Variants in DIP2B observed in about 807,000 individuals in gnomAD.
DIP2B encodes the protein disco-interacting protein 2 homolog B.
DIP2B carries 76 observed loss-of-function variants against 198.0 expected under a neutral mutation model. That is an observed-to-expected ratio of 0.38 (90% CI 0.32 to 0.46). DIP2B has a LOEUF of 0.46. Among genes scored for constraint, DIP2B ranks in the 20% least tolerant of loss-of-function variants. DIP2B has a pLI of 0.99. For synonymous variants in DIP2B, 701 were observed against 739.1 expected, an observed-to-expected ratio of 0.95 and a Z score of 0.84; for missense variants, 1,559 against 1,978.4, an observed-to-expected ratio of 0.79 and a Z score of 4.02.
rs1029978293 is a variant in DIP2B at position 50,695,331 on chromosome 12, C to A, written c.1784C>A (p.Ser595Tyr). The change falls in exon 15 of 38, where the codon TCT becomes TAT. Residue 595 changes from serine (S) to tyrosine (Y), a missense_variant. Physicochemically the swap from Ser to Tyr is moderately radical, Grantham distance 144 (BLOSUM62 -2). Transcript: ENST00000301180. ...PYSVMKTCPL[S>Y]WVQRVHAHKA... ...TCTGTTATGAAAACCTGTCCTCTCT[C>A]TTGGGTCCAAAGAGTACATGCTCAC... 6.2e-7 allele frequency: 1 copy of A among 1,614,088 alleles called. No individual in the cohort carries two copies. Among genetic ancestry groups the A allele is most frequent in the Non-Finnish European group, 8.5e-7 (1 of 1,179,966 alleles).
intron 4 of DIP2B, among the ~76,000 whole-genome samples, chr12:50,668,919 ACTT>A (rs2139521615): frequency 1.3e-5 from 2 of 152,216 alleles, no homozygotes; most frequent in African/African-American, 4.8e-5. Flanking sequence ...AGATGTGATT[ACTT>A]CTTTTTTTCT....
chr12:50,613,437 G>T (rs892874863), intron 1 of DIP2B, among the ~76,000 whole-genome samples: 2 of 152,186 alleles, frequency 1.3e-5, no homozygotes, highest in Non-Finnish European at 2.9e-5. Context: ...GTCATCTTCT[G>T]TCCTCACTCC....
chr12:50,516,237 C>G (rs1958063066), intron 1 of DIP2B, among the ~76,000 whole-genome samples: 1 of 149,818 alleles, frequency 6.7e-6, no homozygotes, highest in Non-Finnish European at 1.5e-5. Context: ...CTCTCTCTCT[C>G]TCTCTCTCTA....
At chr12:50,659,738 C>T (rs1215112357) in intron 3 of DIP2B, among the ~76,000 whole-genome samples, 1 of 152,096 alleles carries the variant, frequency 6.6e-6, no homozygotes, top group East Asian at 1.9e-4. Context: ...GGGTCTCAAC[C>T]AAGTTTTCTT....
At chr12:50,649,264 A>C (rs540887384) in intron 3 of DIP2B, among the ~76,000 whole-genome samples, 21 of 152,306 alleles carry the variant, frequency 1.4e-4, no homozygotes, top group Middle Eastern at 3.4e-3. Context: ...TTCATTTGGG[A>C]AAATAAACAT....
At position 50,516,697 on chromosome 12, in the gene DIP2B, G is replaced by A. The variant is rs183749698; in HGVS notation, c.100+11457G>A. On this transcript the variant is annotated intron_variant, in intron 1 of 37. Transcript: ENST00000301180. ...ATTCTAAAAATATTTTGTTTTGGCCGGACACGGTGGCTCATGCTTATAATC... is the reference window on the plus strand; with the variant it reads ...ATTCTAAAAATATTTTGTTTTGGCCAGACACGGTGGCTCATGCTTATAATC... 6.5e-4 allele frequency among the ~76,000 whole-genome samples: 99 copies of A among 152,106 alleles called. 1 individual carries two copies. The highest frequency in any genetic ancestry group is 1.2e-3 in the Non-Finnish European group (80 of 67,976).
At chr12:50,572,603 C>G (rs781446894) in intron 1 of DIP2B, among the ~76,000 whole-genome samples, 17 of 152,172 alleles carry the variant, frequency 1.1e-4, no homozygotes, top group Non-Finnish European at 2.2e-4. Context: ...TTCCAGGTTA[C>G]TACATTGACT....
chr12:50,680,782 GT>G lies in DIP2B; in HGVS notation c.1206+23del. 6.2e-7 allele frequency: 1 copy of G among 1,605,984 alleles called. No homozygotes were observed. Among genetic ancestry groups the G allele is most frequent in the Non-Finnish European group, 8.5e-7 (1 of 1,174,832 alleles). On this transcript the variant is annotated intron_variant, in intron 9 of 37. Transcript: ENST00000301180. ...AGACAGGGTAATTGGTGTGATTTTGGTTTTAGGGAGGTGGTGTTTATTGTTT... is the reference window on the plus strand; with the variant it reads ...AGACAGGGTAATTGGTGTGATTTTGGTTTAGGGAGGTGGTGTTTATTGTTT...
At chr12:50,644,666 G>A (rs1447136163) in intron 3 of DIP2B, among the ~76,000 whole-genome samples, 3 of 152,192 alleles carry the variant, frequency 2.0e-5, no homozygotes, top group East Asian at 1.9e-4. Context: ...TGACACTGGT[G>A]TATGGGTCAA....
chr12:50,629,839 A>G (rs1938008730), intron 2 of DIP2B, among the ~76,000 whole-genome samples: 1 of 152,058 alleles, frequency 6.6e-6, no homozygotes, highest in Non-Finnish European at 1.5e-5. Flanking sequence ...AAGCCCAGCA[A>G]GTTACAGGCT....
chr12:50,712,195 C>CT (rs1939628173), intron 22 of DIP2B, among the ~76,000 whole-genome samples: 1 of 151,964 alleles, frequency 6.6e-6, no homozygotes, highest in Admixed American at 6.6e-5. Flanking sequence ...CAGCCTTGTC[C>CT]TTTTTTTATG....
At chr12:50,719,149 T>G in intron 25 of DIP2B, 114 bp downstream of exon 25, 1 of 1,115,276 alleles carries the variant, frequency 9.0e-7, no homozygotes. Context: ...GAAGAAGGAG[T>G]TAATGGCTTT....
At chr12:50,552,712 T>A (rs1376509393) in intron 1 of DIP2B, among the ~76,000 whole-genome samples, 1 of 152,178 alleles carries the variant, frequency 6.6e-6, no homozygotes, top group Non-Finnish European at 1.5e-5. Flanking sequence ...TTTGGCGTCA[T>A]ATCCAAGAAA....
chr12:50,697,692 G>A (rs953058806), intron 17 of DIP2B, among the ~76,000 whole-genome samples: 4 of 151,640 alleles, frequency 2.6e-5, no homozygotes, highest in African/African-American at 9.7e-5. Flanking sequence ...ACCACGCCTG[G>A]CTAATTTTTA....
At chr12:50,656,555 G>T (rs577019443) in intron 3 of DIP2B, among the ~76,000 whole-genome samples, 59 of 152,264 alleles carry the variant, frequency 3.9e-4, no homozygotes, top group African/African-American at 1.4e-3. Context: ...AACTAAGGGA[G>T]AAAGGAAAGC....
chr12:50,540,936 C>T (rs190934437), intron 1 of DIP2B, among the ~76,000 whole-genome samples: 3 of 150,786 alleles, frequency 2.0e-5, no homozygotes, highest in Admixed American at 6.6e-5. Context: ...AATGAGGTAG[C>T]GCAGAATCTC....
chr12:50,572,711 A>G (rs886136522), intron 1 of DIP2B, among the ~76,000 whole-genome samples: 1 of 152,346 alleles, frequency 6.6e-6, no homozygotes, highest in African/African-American at 2.4e-5. Flanking sequence ...TGAAAAGTCT[A>G]TAAAATTAGT....
intron 30 of DIP2B, 36 bp downstream of exon 30, chr12:50,728,714 G>A: frequency 6.2e-7 from 1 of 1,603,050 alleles, no homozygotes. Context: ...AGAATGTGTG[G>A]GGGTATACTT....
At chr12:50,683,274 T>G (rs1377921510) in intron 10 of DIP2B, 26 bp downstream of exon 10, 1 of 1,573,234 alleles carries the variant, frequency 6.4e-7, no homozygotes, top group Non-Finnish European at 8.7e-7. Flanking sequence ...TTAAGAGGAA[T>G]GTAGCCTGAT....
Sources: allele counts gnomAD v4.1 joint callset (sites outside exome capture counted in the v4.1 genomes callset), GRCh38; gene constraint gnomAD v4.1.1; transcripts MANE v1.5; gene names NCBI Gene and HGNC (gene_info 2026-07-23, HGNC 2026-07-21).